Variants in RFX8 observed in about 807,000 individuals in gnomAD.
RFX8 encodes the protein regulatory factor X8.
Under a neutral mutation model 54.6 loss-of-function variants are expected in RFX8, and 46 were observed. That is an observed-to-expected ratio of 0.84 (90% confidence interval 0.67 to 1.08). The LOEUF (loss-of-function observed/expected upper bound fraction) is 1.08. RFX8 is among the 50% of genes least tolerant of loss of function. The probability of loss-of-function intolerance (pLI) is 0.00; values close to 1 mark genes in which losing one functional copy is unlikely to be tolerated. For synonymous variants in RFX8, 192 were observed against 209.5 expected (o/e 0.92, Z 0.72); for missense variants, 536 against 562.3 (o/e 0.95, Z 0.47).
At chr2:101,450,711 T>G in intron 2 of RFX8, 1 of 1,118,710 alleles carries the variant, frequency 8.9e-7, no homozygotes, top group South Asian at 1.3e-5. Flanking sequence ...TTTAAATTTA[T>G]GTCTAACTAC....
chr2:101,432,856 GA>G (rs1243280275), intron 2 of RFX8, among the ~76,000 whole-genome samples: 1 of 152,208 alleles, frequency 6.6e-6, no homozygotes, highest in Non-Finnish European at 1.5e-5. Context: ...CCGAGTTAGA[GA>G]AAAACAACAG....
intron 2 of RFX8, among the ~76,000 whole-genome samples, chr2:101,438,060 T>C (rs1331757306): frequency 2.0e-5 from 3 of 152,206 alleles, no homozygotes; most frequent in Non-Finnish European, 4.4e-5. Context: ...ATTTTAATTT[T>C]TGTGGGTACA....
At chr2:101,458,784 G>A (rs1689118526) in intron 2 of RFX8, among the ~76,000 whole-genome samples, 2 of 152,122 alleles carry the variant, frequency 1.3e-5, no homozygotes, top group Admixed American at 1.3e-4. Flanking sequence ...AGTTCTCCTG[G>A]ATAATATCCT....
intron 1 of RFX8, among the ~76,000 whole-genome samples, chr2:101,470,580 A>G (rs747464972): frequency 1.3e-5 from 2 of 152,160 alleles, no homozygotes; most frequent in Non-Finnish European, 2.9e-5. Flanking sequence ...TTGCCATCAG[A>G]CAAGGTGGAT....
At position 101,455,393 on chromosome 2, in the gene RFX8, T is replaced by C. The variant is rs144127665; in HGVS notation, c.72+11384A>G. Among the ~76,000 whole-genome samples, 410 of 152,336 alleles carry C rather than the reference T, an allele frequency of 2.7e-3. 11 individuals are homozygous for C. In the East Asian group the frequency reaches 0.056, roughly 21 times the overall value. ...AATCCATCTTGAGTTAATTTTTGTA[T>C]AAGGTGTAAGGAAGGGATCCAGCTT... On this transcript the variant is annotated intron_variant, in intron 2 of 11. Transcript: ENST00000428343.
intron 1 of RFX8, among the ~76,000 whole-genome samples, chr2:101,469,066 GTATATATATATAAGTGTA>G (rs1689783737): frequency 1.6e-4 from 2 of 12,214 alleles, no homozygotes; most frequent in African/African-American, 6.2e-4. Flanking sequence ...GTATATATAT[GTATATATATATAAGTGTA>G]TATATATAAG....
intron 4 of RFX8, among the ~76,000 whole-genome samples, chr2:101,419,566 G>A (rs1472637927): frequency 6.6e-6 from 1 of 152,190 alleles, no homozygotes; most frequent in African/African-American, 2.4e-5. Flanking sequence ...CTTTAACCAG[G>A]TGACCGATCT....
intron 1 of RFX8, among the ~76,000 whole-genome samples, chr2:101,468,176 TG>T (rs1176475292): frequency 3.3e-5 from 5 of 152,192 alleles, no homozygotes; most frequent in Non-Finnish European, 5.9e-5. Flanking sequence ...AATGCTTCCT[TG>T]GGGTAACAAA....
In RFX8 at chr2:101,466,720, C is replaced by T; in HGVS notation, c.72+57G>A. On this transcript the variant is annotated intron_variant, in intron 2 of 11. Transcript: ENST00000428343. ...TACATTGCAACATTTCCTCCAATAA[C>T]TTGCTTCCCTTTTTTGCACTCAGTG... 4.9e-6 allele frequency: 6 copies of T among 1,224,104 alleles called. No individual in the cohort carries two copies. The South Asian group carries it at 5.2e-5, about 11-fold the overall frequency. 75.8% of individuals were successfully genotyped at this position (1,224,104 alleles called of 1,614,324 possible). A position where few individuals can be genotyped will look rare whatever the true frequency, so the allele number is the denominator to read the frequency against.
rs555473562 is a variant in RFX8 at position 101,429,186 on chromosome 2, C to T, written c.73-6714G>A. 3.3e-5 allele frequency among the ~76,000 whole-genome samples: 5 copies of T among 152,288 alleles called. 1 individual carries two copies. The East Asian group carries it at 7.7e-4, about 24-fold the overall frequency. ...GAATGGTAATTATCACAAGCTTGGG[C>T]TTTAAAAAATTCATTTCTGTAACTG... On this transcript the variant is annotated intron_variant, in intron 2 of 11. Coordinates refer to ENST00000428343, the MANE Select transcript of RFX8 (RefSeq NM_001145664.2).
At chr2:101,468,720 T>TGGACATG (rs947008193) in intron 1 of RFX8, among the ~76,000 whole-genome samples, 4 of 151,890 alleles carry the variant, frequency 2.6e-5, no homozygotes, top group African/African-American at 9.7e-5. Context: ...CATTCTGAGG[T>TGGACATG]TCCGGGTGGA....
chr2:101,432,632 C>T (rs951781038), intron 2 of RFX8, among the ~76,000 whole-genome samples: 13 of 152,148 alleles, frequency 8.5e-5, no homozygotes, highest in Non-Finnish European at 1.3e-4. Flanking sequence ...GGCTCACTGC[C>T]CCCTGCGTCA....
chr2:101,446,053 A>C lies in RFX8; in HGVS notation c.72+20724T>G, dbSNP rs560371424. 1.2e-3 allele frequency among the ~76,000 whole-genome samples: 73 copies of C among 62,296 alleles called. 1 individual carries two copies. The East Asian group carries it at 0.02, about 17-fold the overall frequency. 40.9% of individuals were successfully genotyped at this position (62,296 alleles called of 152,430 possible). ...CTTACACTTGTGCTTTCTAAAATAC[A>C]CTTTTGTATGTTCTGAACGTGGCAT... On this transcript the variant is annotated intron_variant, in intron 2 of 11. Coordinates refer to ENST00000428343, the MANE Select transcript of RFX8 (RefSeq NM_001145664.2).
intron 2 of RFX8, among the ~76,000 whole-genome samples, chr2:101,431,283 G>T (rs529319266): frequency 3.9e-5 from 6 of 152,312 alleles, no homozygotes; most frequent in Non-Finnish European, 8.8e-5. Flanking sequence ...TATTGGGGAG[G>T]AAAAATGTCA....
chr2:101,414,567 G>A (rs576773101), intron 7 of RFX8, among the ~76,000 whole-genome samples: 2 of 151,970 alleles, frequency 1.3e-5, no homozygotes, highest in Admixed American at 6.6e-5. Flanking sequence ...AGCCCCCCAC[G>A]CCTGGCCATC....
At chr2:101,417,500 C>A in intron 6 of RFX8, 34 bp downstream of exon 6, 1 of 1,532,212 alleles carries the variant, frequency 6.5e-7, no homozygotes, top group African/African-American at 1.4e-5. Flanking sequence ...GCCACTGTGC[C>A]AGCCCAGAAT....
At chr2:101,405,288 A>G (rs773710477) in intron 10 of RFX8, among the ~76,000 whole-genome samples, 5 of 151,936 alleles carry the variant, frequency 3.3e-5, no homozygotes, top group Non-Finnish European at 5.9e-5. Flanking sequence ...CTGGGATTAC[A>G]AGCGTCCGCC....
Position 101,470,682 on chromosome 2 carries a change from C to G in RFX8, c.-52-3782G>C, listed in dbSNP as rs533521266. ...TGACCTCAGAGCACAAATACTTAGCCAGTGCTTCACACGTTTTCTGAGTAC... is the reference window on the plus strand; with the variant it reads ...TGACCTCAGAGCACAAATACTTAGCGAGTGCTTCACACGTTTTCTGAGTAC... On this transcript the variant is annotated intron_variant, in intron 1 of 11. Transcript: ENST00000428343. Among the ~76,000 whole-genome samples, 12 of 149,920 alleles carry G rather than the reference C, an allele frequency of 8.0e-5. No homozygotes were observed. The South Asian group carries it at 2.5e-3, about 32-fold the overall frequency.
At chr2:101,455,183 T>C (rs1054392135) in intron 2 of RFX8, among the ~76,000 whole-genome samples, 1 of 152,118 alleles carries the variant, frequency 6.6e-6, no homozygotes, top group African/African-American at 2.4e-5. Flanking sequence ...GCTAATTTTT[T>C]GTATTTTTTA....
Sources: gnomAD v4.1 joint callset for allele counts (sites outside exome capture counted in the v4.1 genomes callset) on GRCh38, gnomAD v4.1.1 for gene constraint, MANE v1.5 for transcripts, NCBI Gene and HGNC (gene_info 2026-07-23, HGNC 2026-07-21) for gene names.